The following ANKRD30BL variants were observed in gnomAD, a reference collection of about 807,000 sequenced individuals.
ANKRD30BL encodes the protein putative ankyrin repeat domain-containing protein 30B-like.
A neutral mutation model predicts 18.4 loss-of-function variants in ANKRD30BL; 20 were observed. That is an observed-to-expected ratio of 1.09 (90% CI 0.77 to 1.58). The LOEUF (loss-of-function observed/expected upper bound fraction) is 1.58, where lower values mean the gene tolerates loss of function less well. ANKRD30BL is among the 40% of genes most tolerant of loss of function. The pLI is 0.00. For missense variants in ANKRD30BL, 224 were observed against 268.6 expected (o/e 0.83, Z 1.16); for synonymous variants, 72 against 100.9 (o/e 0.71, Z 1.72).
intron 1 of ANKRD30BL, among the ~76,000 whole-genome samples, chr2:132,197,340 A>G (rs1468810713): frequency 6.6e-6 from 1 of 152,200 alleles, no homozygotes; most frequent in Non-Finnish European, 1.5e-5. Context: ...TATCACCTTC[A>G]CTGTTTTCCT....
chr2:132,220,383 G>T (rs1283110053), intron 1 of ANKRD30BL, among the ~76,000 whole-genome samples: 4 of 124,626 alleles, frequency 3.2e-5, no homozygotes, highest in Non-Finnish European at 6.3e-5. Context: ...TCTCCCCACG[G>T]TCTCCTTCCA....
intron 1 of ANKRD30BL, among the ~76,000 whole-genome samples, chr2:132,244,522 G>GT (rs1680435368): frequency 6.6e-6 from 1 of 152,114 alleles, no homozygotes; most frequent in Non-Finnish European, 1.5e-5. Context: ...TTGAAAAACA[G>GT]TTTTTGTAGA....
At chr2:132,224,327 G>A (rs78205177) in intron 1 of ANKRD30BL, among the ~76,000 whole-genome samples, 52 of 152,172 alleles carry the variant, frequency 3.4e-4, no homozygotes, top group African/African-American at 6.5e-4. Context: ...TGAGACAGAA[G>A]AATTCTCAGA....
chr2:132,222,173 C>T (rs1191915420), intron 1 of ANKRD30BL, among the ~76,000 whole-genome samples: 4 of 145,336 alleles, frequency 2.8e-5, no homozygotes, highest in African/African-American at 1.0e-4. Context: ...AAGTGAGGAG[C>T]CCCTCTGCCT....
chr2:132,222,217 G>C (rs1452208942), intron 1 of ANKRD30BL, among the ~76,000 whole-genome samples: 3 of 147,990 alleles, frequency 2.0e-5, no homozygotes, highest in African/African-American at 7.5e-5. Context: ...GTGGTGGGGG[G>C]GTCAGCCCCC....
At chr2:132,210,757 T>A (rs916207637) in intron 1 of ANKRD30BL, among the ~76,000 whole-genome samples, 1 of 151,796 alleles carries the variant, frequency 6.6e-6, no homozygotes, top group African/African-American at 2.4e-5. Flanking sequence ...TTCTTTCTGA[T>A]GTGTGCATTC....
intron 1 of ANKRD30BL, among the ~76,000 whole-genome samples, chr2:132,167,334 TATTTTATTTTG>T (rs1446739030): frequency 1.0e-3 from 142 of 138,806 alleles, no homozygotes; most frequent in African/African-American, 3.3e-3. Flanking sequence ...TATTTTATTT[TATTTTATTTTG>T]AGATAGAGCC....
intron 1 of ANKRD30BL, among the ~76,000 whole-genome samples, chr2:132,218,020 A>C (rs371475654): frequency 3.0e-4 from 27 of 90,470 alleles, no homozygotes; most frequent in South Asian, 7.2e-4. Context: ...CAGTGTTGAA[A>C]CTTTCTTTTG....
At chr2:132,204,657 C>A (rs1156345809) in intron 1 of ANKRD30BL, among the ~76,000 whole-genome samples, 136 of 144,740 alleles carry the variant, frequency 9.4e-4, no homozygotes, top group East Asian at 6.5e-3. Context: ...AGAGAAATGG[C>A]AGAATAGAAA....
intron 1 of ANKRD30BL, among the ~76,000 whole-genome samples, chr2:132,226,881 A>G (rs1679861450): frequency 6.6e-6 from 1 of 152,234 alleles, no homozygotes; most frequent in South Asian, 2.1e-4. Flanking sequence ...TAAAATCTAG[A>G]CAGAAGCATT....
chr2:132,212,154 T>A (rs1391727189), intron 1 of ANKRD30BL, among the ~76,000 whole-genome samples: 1 of 132,454 alleles, frequency 7.5e-6, no homozygotes, highest in Admixed American at 7.1e-5. Flanking sequence ...GTGTTGAACA[T>A]TTTTTTTTTA....
chr2:132,249,140 A>G (rs139093795), intron 1 of ANKRD30BL, among the ~76,000 whole-genome samples: 64 of 143,088 alleles, frequency 4.5e-4, no homozygotes, highest in African/African-American at 5.6e-4. Context: ...TTCCTTTTTC[A>G]CCATAGGCCT....
At chr2:132,212,158 T>G (rs1231543312) in intron 1 of ANKRD30BL, among the ~76,000 whole-genome samples, 2 of 151,988 alleles carry the variant, frequency 1.3e-5, no homozygotes, top group Non-Finnish European at 1.5e-5. Flanking sequence ...TGAACATTTT[T>G]TTTTTATTTA....
chr2:132,187,241 T>A (rs1170452818), intron 1 of ANKRD30BL, among the ~76,000 whole-genome samples: 6 of 140,854 alleles, frequency 4.3e-5, no homozygotes, highest in Non-Finnish European at 9.1e-5. Context: ...TAGAGCAGGC[T>A]GGAGTGGAGT....
At chr2:132,221,361 A>G (rs1462874537) in intron 1 of ANKRD30BL, among the ~76,000 whole-genome samples, 1 of 123,884 alleles carries the variant, frequency 8.1e-6, no homozygotes, top group Admixed American at 7.6e-5. Flanking sequence ...CCAGTCCGGG[A>G]GGGGGGAGGG....
chr2:132,217,854 C>T (rs1353693803), intron 1 of ANKRD30BL, among the ~76,000 whole-genome samples: 1 of 151,896 alleles, frequency 6.6e-6, no homozygotes, highest in South Asian at 2.1e-4. Context: ...TTGAACCTTT[C>T]TTTTGATAAA....
At chr2:132,255,876 G>A (rs58985356) in intron 1 of ANKRD30BL, among the ~76,000 whole-genome samples, 2,475 of 152,244 alleles carry the variant, frequency 0.016, 60 homozygotes, top group African/African-American at 0.055. Context: ...CACGGGGGGC[G>A]TGCGATTGGC....
At chr2:132,242,278 T>G (rs1680359005) in intron 1 of ANKRD30BL, among the ~76,000 whole-genome samples, 1 of 151,748 alleles carries the variant, frequency 6.6e-6, no homozygotes, top group Non-Finnish European at 1.5e-5. Flanking sequence ...GAAAATTCCC[T>G]TTCATGGAGA....
At chr2:132,167,903 C>A (rs978610547) in intron 1 of ANKRD30BL, among the ~76,000 whole-genome samples, 15 of 152,214 alleles carry the variant, frequency 9.9e-5, no homozygotes, top group Non-Finnish European at 2.9e-5. Context: ...TTGTTCATTT[C>A]ATCTGTCCAC....
Sources: gnomAD v4.1 joint callset for allele counts (sites outside exome capture counted in the v4.1 genomes callset) on GRCh38, gnomAD v4.1.1 for gene constraint, MANE v1.5 for transcripts, NCBI Gene and HGNC (gene_info 2026-07-23, HGNC 2026-07-21) for gene names.